DOCK3: variants seen among roughly 807,000 people sequenced by gnomAD.
The protein encoded by DOCK3 is dedicator of cytokinesis protein 3.
Under a neutral mutation model 265.6 loss-of-function variants are expected in DOCK3, and 60 were observed. That is an observed-to-expected ratio of 0.23 (90% CI 0.18 to 0.28). The LOEUF (loss-of-function observed/expected upper bound fraction) is 0.28. Among genes scored for constraint, DOCK3 ranks in the 10% least tolerant of loss-of-function variants. The pLI is 1.00. For synonymous variants in DOCK3, 881 were observed against 938.0 expected, an observed-to-expected ratio of 0.94 and a Z score of 1.11; for missense variants, 1,981 against 2,594.3, an observed-to-expected ratio of 0.76 and a Z score of 5.14.
chr3:51,034,848 T>G (rs1231790726), intron 5 of DOCK3, among the ~76,000 whole-genome samples: 1 of 152,096 alleles, frequency 6.6e-6, no homozygotes, highest in African/African-American at 2.4e-5. Flanking sequence ...AGTCTTTATT[T>G]CTAGATATAG....
intron 10 of DOCK3, among the ~76,000 whole-genome samples, chr3:51,158,841 T>C (rs4328835): frequency 0.91 from 138,841 of 152,276 alleles, 63,443 homozygotes; most frequent in African/African-American, 0.95. Flanking sequence ...AACAAACTTA[T>C]AGAATTTTAG....
chr3:51,040,897 C>T (rs1156375308), intron 5 of DOCK3, among the ~76,000 whole-genome samples: 2 of 151,786 alleles, frequency 1.3e-5, no homozygotes, highest in Non-Finnish European at 2.9e-5. Context: ...CTTCAGGGTC[C>T]ACTTCTAATT....
chr3:50,869,131 C>T lies in DOCK3; in HGVS notation c.163-20895C>T, dbSNP rs564096279. Among the ~76,000 whole-genome samples, 1,081 of 149,642 alleles carry T rather than the reference C, an allele frequency of 7.2e-3. 15 individuals carry two copies. Among genetic ancestry groups the T allele is most frequent in the African/African-American group, 0.025 (1,016 of 40,816 alleles). Reference sequence around the variant, plus strand: ...CTGGGACTACAGGCACCTGCCACCACGCCTGGCTAATTTTTTGTGTTTTCA... The same window carrying T: ...CTGGGACTACAGGCACCTGCCACCATGCCTGGCTAATTTTTTGTGTTTTCA... On this transcript the variant is annotated intron_variant, in intron 3 of 52. Coordinates refer to ENST00000266037, the MANE Select transcript of DOCK3 (RefSeq NM_004947.5).
intron 5 of DOCK3, among the ~76,000 whole-genome samples, chr3:51,041,723 G>A (rs1270138501): frequency 6.6e-6 from 1 of 152,060 alleles, no homozygotes; most frequent in East Asian, 1.9e-4. Context: ...CTCAGCGGTG[G>A]GCTTGAAATA....
At chr3:50,919,581 G>A (rs1209719719) in intron 4 of DOCK3, among the ~76,000 whole-genome samples, 1 of 152,136 alleles carries the variant, frequency 6.6e-6, no homozygotes, top group Non-Finnish European at 1.5e-5. Flanking sequence ...GAATGCTTGT[G>A]ATTTTTGTAC....
At chr3:51,218,606 T>A (rs113671179) in intron 14 of DOCK3, among the ~76,000 whole-genome samples, 1 of 152,136 alleles carries the variant, frequency 6.6e-6, no homozygotes, top group East Asian at 1.9e-4. Flanking sequence ...TTTGTCGTGG[T>A]TTTTTGGGAA....
chr3:51,375,944 GT>G, intron 51 of DOCK3, 109 bp downstream of exon 51: 1 of 1,060,264 alleles, frequency 9.4e-7, no homozygotes, highest in Non-Finnish European at 1.4e-6. Flanking sequence ...CAACACTCAG[GT>G]CTGTCCGTCT....
At chr3:51,315,160 C>T (rs751051887) in intron 32 of DOCK3, 32 bp downstream of exon 32, 1 of 1,563,306 alleles carries the variant, frequency 6.4e-7, no homozygotes, top group East Asian at 2.3e-5. Flanking sequence ...GGGGTATTCT[C>T]TGGAATGGAT....
intron 3 of DOCK3, among the ~76,000 whole-genome samples, chr3:50,868,017 T>C (rs573524384): frequency 6.6e-6 from 1 of 152,264 alleles, no homozygotes; most frequent in Admixed American, 6.5e-5. Flanking sequence ...CTTCTTTAAA[T>C]GTTAGGTAGA....
intron 30 of DOCK3, 118 bp from the exon 31 acceptor site, chr3:51,312,726 T>C: frequency 1.6e-6 from 2 of 1,283,676 alleles, no homozygotes; most frequent in Non-Finnish European, 2.2e-6. Context: ...CCCAAAGGCT[T>C]AGCGCATTGG....
intron 5 of DOCK3, among the ~76,000 whole-genome samples, chr3:50,980,153 G>T (rs1333669852): frequency 2.0e-5 from 3 of 152,074 alleles, no homozygotes; most frequent in Admixed American, 6.6e-5. Flanking sequence ...TTTGTTGAGG[G>T]TTTTTGTGAT....
intron 27 of DOCK3, among the ~76,000 whole-genome samples, chr3:51,300,460 G>A (rs1044635250): frequency 3.9e-5 from 6 of 152,202 alleles, no homozygotes; most frequent in Admixed American, 6.5e-5. Context: ...GGTGAGAGAA[G>A]GCATCCTTGT....
In DOCK3 at chr3:51,270,856, T is replaced by G. The variant is rs750631793; in HGVS notation, c.2397T>G (p.Leu799=). The G allele has an allele frequency of 9.3e-6, 15 of 1,614,016 alleles. No homozygotes were observed. The highest frequency in any genetic ancestry group is 1.1e-5 in the Non-Finnish European group (13 of 1,179,882). ...LNSFPTIFDE[L]LQMFTVQEVA... ...CTTTCCCAACCATCTTTGATGAGCT[T>G]CTGCAAATGTTCACCGTGCAAGAGG... The change falls in exon 24 of 53, where the codon CTT becomes CTG. Residue 799 remains leucine (L), a synonymous_variant. Transcript: ENST00000266037.
intron 5 of DOCK3, among the ~76,000 whole-genome samples, chr3:51,053,387 C>T (rs1575898302): frequency 6.6e-6 from 1 of 150,994 alleles, no homozygotes; most frequent in African/African-American, 2.4e-5. Context: ...ACATACTTTT[C>T]CCTTCCCCTT....
At chr3:50,880,878 A>G (rs1426752561) in intron 3 of DOCK3, among the ~76,000 whole-genome samples, 3 of 152,236 alleles carry the variant, frequency 2.0e-5, no homozygotes, top group Non-Finnish European at 2.9e-5. Context: ...AAAATCCTCA[A>G]TAAAATACTG....
intron 48 of DOCK3, among the ~76,000 whole-genome samples, chr3:51,362,315 C>A (rs2086794535): frequency 6.6e-6 from 1 of 152,180 alleles, no homozygotes; most frequent in Non-Finnish European, 1.5e-5. Flanking sequence ...TCCATGGTCA[C>A]CGTAGTATGG....
At chr3:51,089,329 T>C (rs2109546506) in intron 8 of DOCK3, 45 bp downstream of exon 8, 1 of 1,585,312 alleles carries the variant, frequency 6.3e-7, no homozygotes, top group East Asian at 2.3e-5. Flanking sequence ...CTCAACTTTT[T>C]CTGTTAAGAG....
At chr3:51,260,471 C>G (rs878943310) in intron 23 of DOCK3, 145 bp downstream of exon 23, 4 of 1,014,522 alleles carry the variant, frequency 3.9e-6, no homozygotes, top group Admixed American at 3.4e-5. Flanking sequence ...ATACCTGATA[C>G]AACAAAATGC....
chr3:51,080,925 T>G (rs2082213532), intron 7 of DOCK3, among the ~76,000 whole-genome samples: 1 of 152,038 alleles, frequency 6.6e-6, no homozygotes. Context: ...TTTACTTTTT[T>G]GAAACCTGTT....
Sources: allele counts gnomAD v4.1 joint callset (sites outside exome capture counted in the v4.1 genomes callset), GRCh38; gene constraint gnomAD v4.1.1; transcripts MANE v1.5; gene names NCBI Gene and HGNC (gene_info 2026-07-23, HGNC 2026-07-21).